Variants in DRAXIN observed in about 807,000 individuals in gnomAD.
DRAXIN encodes dorsal inhibitory axon guidance protein, also known as dorsal repulsive axon guidance protein.
Under a neutral mutation model 33.9 loss-of-function variants are expected in DRAXIN, and 27 were observed. The observed-to-expected ratio is 0.80, with a 90% confidence interval of 0.59 to 1.10. The LOEUF is 1.10. Ranked by LOEUF, DRAXIN falls within the 50% of genes least tolerant of loss-of-function variation. The pLI, the probability that DRAXIN is intolerant of heterozygous loss-of-function variation, is 0.00. For synonymous variants in DRAXIN, 178 were observed against 194.0 expected, an observed-to-expected ratio of 0.92 and a Z score of 0.69; for missense variants, 371 against 460.8, an observed-to-expected ratio of 0.81 and a Z score of 1.78.
upstream of DRAXIN, among the ~76,000 whole-genome samples, chr1:11,689,717 G>A (rs548369974): frequency 1.6e-4 from 25 of 152,292 alleles, no homozygotes; most frequent in African/African-American, 6.0e-4. Context: ...TGCTGTCTAT[G>A]GAGTAGTCAT....
intron 6 of DRAXIN, among the ~76,000 whole-genome samples, chr1:11,717,784 A>G (rs185436465): frequency 2.1e-5 from 3 of 142,360 alleles, no homozygotes. Flanking sequence ...GGAGTTGGAG[A>G]CCAGCCTTGG....
intron 1 of DRAXIN, among the ~76,000 whole-genome samples, chr1:11,700,967 A>G (rs1641264231): frequency 6.6e-6 from 1 of 152,242 alleles, no homozygotes; most frequent in South Asian, 2.1e-4. Context: ...CTGGCCCCCA[A>G]ATGCAAGGCT....
chr1:11,708,363 G>A (rs1641423623), intron 2 of DRAXIN, among the ~76,000 whole-genome samples: 1 of 152,224 alleles, frequency 6.6e-6, no homozygotes, highest in South Asian at 2.1e-4. Flanking sequence ...TGTAATCCCA[G>A]CACTTTGGGA....
At chr1:11,691,181 T>A (rs1412824968), upstream of DRAXIN, among the ~76,000 whole-genome samples, 2 of 148,450 alleles carry the variant, frequency 1.3e-5, no homozygotes, top group African/African-American at 4.9e-5. Flanking sequence ...ATTTCTTCCG[T>A]CCCTTTTGAC....
At chr1:11,716,315 G>A (rs933280354) in intron 6 of DRAXIN, among the ~76,000 whole-genome samples, 5 of 152,162 alleles carry the variant, frequency 3.3e-5, no homozygotes, top group African/African-American at 1.2e-4. Context: ...TCCTTATTCC[G>A]ACATGATTTC....
At chr1:11,698,021 C>T (rs1482664776) in intron 1 of DRAXIN, among the ~76,000 whole-genome samples, 2 of 152,132 alleles carry the variant, frequency 1.3e-5, no homozygotes, top group African/African-American at 4.8e-5. Flanking sequence ...ATGCCACCTG[C>T]ACTGCCGGGC....
Position 11,719,823 on chromosome 1 carries a change from T to C in DRAXIN, c.*127T>C, listed in dbSNP as rs1641635114. ...GGCTGCAGACTCAGGCCCAGGACACTCAACCCCAGGAGGGGAGCCGCTCGG... is the reference window on the plus strand; with the variant it reads ...GGCTGCAGACTCAGGCCCAGGACACCCAACCCCAGGAGGGGAGCCGCTCGG... On this transcript the variant is annotated 3_prime_UTR_variant, in exon 7 of 7. Coordinates refer to ENST00000294485, the MANE Select transcript of DRAXIN (RefSeq NM_198545.4). 2 of 891,384 alleles carry C rather than the reference T, an allele frequency of 2.2e-6. No homozygotes were observed. The highest frequency in any genetic ancestry group is 1.7e-5 in the African/African-American group (1 of 60,304). The allele number at this position is 891,384 out of a possible 1,614,324, so 55.2% of individuals were successfully genotyped here.
chr1:11,709,917 T>G (rs1428186998), intron 3 of DRAXIN, among the ~76,000 whole-genome samples: 1 of 152,212 alleles, frequency 6.6e-6, no homozygotes, highest in East Asian at 1.9e-4. Context: ...CTGGGCGCGG[T>G]GGCTCATGCC....
intron 5 of DRAXIN, among the ~76,000 whole-genome samples, chr1:11,714,276 C>T (rs537531895): frequency 1.7e-4 from 26 of 152,244 alleles, no homozygotes; most frequent in Admixed American, 2.6e-4. Flanking sequence ...TTGTGAATGA[C>T]GAAAGGTGGA....
In DRAXIN at chr1:11,715,327, T is replaced by C. The variant is rs1641559186; in HGVS notation, c.937+119T>C. On this transcript the variant is annotated intron_variant, in intron 6 of 6. Coordinates refer to ENST00000294485, the MANE Select transcript of DRAXIN (RefSeq NM_198545.4). ...AGCTTTCCTGGCAGAGGGTGGATCA[T>C]GGGCCTGCGGCGGGGGTGTAGGTGG... 5.5e-6 allele frequency: 7 copies of C among 1,277,494 alleles called. No individual in the cohort carries two copies. In the Admixed American group the frequency reaches 9.6e-5, roughly 18 times the overall value. 79.1% of individuals were successfully genotyped at this position (1,277,494 alleles called of 1,614,324 possible).
chr1:11,716,674 T>C (rs974023324), intron 6 of DRAXIN, among the ~76,000 whole-genome samples: 3 of 152,206 alleles, frequency 2.0e-5, no homozygotes, highest in Non-Finnish European at 2.9e-5. Flanking sequence ...CTTTTAAATT[T>C]AATTTAATTA....
At chr1:11,702,601 G>A (rs894289710) in intron 1 of DRAXIN, among the ~76,000 whole-genome samples, 8 of 148,852 alleles carry the variant, frequency 5.4e-5, no homozygotes, top group East Asian at 2.0e-4. Context: ...ACATATTCAC[G>A]CTTACACATG....
In DRAXIN at chr1:11,696,814, A is replaced by T. The variant is rs1289173878; in HGVS notation, c.-11+4961A>T. On this transcript the variant is annotated intron_variant, in intron 1 of 6. Coordinates refer to ENST00000294485, the MANE Select transcript of DRAXIN (RefSeq NM_198545.4). The surrounding 1 kb of genome is among the most constrained non-coding windows in gnomAD (Gnocchi z 4.7). ...AGCCTCCTGGTTTCAGTGAGCCAAGATCGCGCCACTGCACTCCAGCCTGGT... is the reference window on the plus strand; with the variant it reads ...AGCCTCCTGGTTTCAGTGAGCCAAGTTCGCGCCACTGCACTCCAGCCTGGT... Among the ~76,000 whole-genome samples, 12 of 152,026 alleles carry T rather than the reference A, an allele frequency of 7.9e-5. No individual in the cohort carries two copies. Among genetic ancestry groups the T allele is most frequent in the Admixed American group, 7.9e-4 (12 of 15,278 alleles).
chr1:11,723,198 G>A lies in DRAXIN; in HGVS notation c.*3502G>A, dbSNP rs959130346. 1.3e-5 allele frequency: 2 copies of A among 152,108 alleles called. No individual in the cohort carries two copies. Among genetic ancestry groups the A allele is most frequent in the African/African-American group, 2.4e-5 (1 of 41,400 alleles). The allele number at this position is 152,108 out of a possible 1,614,324, so 9.4% of individuals were successfully genotyped here. A position where few individuals can be genotyped will look rare whatever the true frequency, so the allele number is the denominator to read the frequency against. On this transcript the variant is annotated 3_prime_UTR_variant, in exon 7 of 7. Coordinates refer to ENST00000294485, the MANE Select transcript of DRAXIN (RefSeq NM_198545.4). ...AAACTGCTCTTTGCTTGCCAACTGC[G>A]CAAAACCAGGCAGTGGGGCAGATTT...
At chr1:11,702,242 C>G (rs922113520) in intron 1 of DRAXIN, among the ~76,000 whole-genome samples, 1 of 136,196 alleles carries the variant, frequency 7.3e-6, no homozygotes, top group Non-Finnish European at 1.7e-5. Context: ...CACATACACG[C>G]TCTCACACAC....
intron 6 of DRAXIN, among the ~76,000 whole-genome samples, chr1:11,719,096 G>T (rs1176290484): frequency 6.6e-6 from 1 of 151,978 alleles, no homozygotes; most frequent in African/African-American, 2.4e-5. Context: ...TAGAGACGGG[G>T]TTTCACCATG....
Position 11,706,648 on chromosome 1 carries a change from G to T in DRAXIN, c.390G>T (p.Glu130Asp). The T allele has an allele frequency of 6.3e-7, 1 of 1,599,180 alleles. No homozygotes were observed. Among genetic ancestry groups the T allele is most frequent in the Admixed American group, 1.7e-5 (1 of 59,824 alleles). The change falls in exon 2 of 7, where the codon GAG (glutamate) becomes GAT (aspartate). Residue 130 changes from glutamate (E) to aspartate (D), a missense_variant. Physicochemically the swap from Glu to Asp is conservative, Grantham distance 45. Transcript: ENST00000294485. The surrounding 1 kb of genome is among the most constrained non-coding windows in gnomAD (Gnocchi z 5.5). Reference protein sequence around the residue: ...PEKENRPPGWERTRKRSREHK... With the variant: ...PEKENRPPGWDRTRKRSREHK... ...AGGAGAACCGACCTCCAGGTTGGGA[G>T]AGGACCAGGAAACGCAGCAGGGAGC...
At chr1:11,708,067 AG>A (rs1183993940) in intron 2 of DRAXIN, among the ~76,000 whole-genome samples, 2 of 152,224 alleles carry the variant, frequency 1.3e-5, no homozygotes, top group African/African-American at 2.4e-5. Flanking sequence ...GAGGTCAGTC[AG>A]GGTCCCCCGG....
chr1:11,693,288 T>G (rs1641130401), intron 1 of DRAXIN, among the ~76,000 whole-genome samples: 1 of 152,088 alleles, frequency 6.6e-6, no homozygotes, highest in African/African-American at 2.4e-5. Context: ...GTCCGGTGAC[T>G]CACCCCCAAT....
Sources: gnomAD v4.1 joint callset for allele counts (sites outside exome capture counted in the v4.1 genomes callset) on GRCh38, gnomAD v4.1.1 for gene constraint, Gnocchi (gnomAD v3.1) non-coding constraint, MANE v1.5 for transcripts, NCBI Gene and HGNC (gene_info 2026-07-23, HGNC 2026-07-21) for gene names.